Variants in LIMS1 observed in about 807,000 individuals in gnomAD.
LIMS1 encodes LIM and senescent cell antigen-like-containing domain protein 1.
LIMS1 carries 18 observed loss-of-function variants against 44.1 expected under a neutral mutation model. The observed-to-expected ratio is 0.41, with a 90% confidence interval of 0.28 to 0.61. LIMS1 has a LOEUF of 0.61. LIMS1 is among the 20% of genes least tolerant of loss of function. The pLI, the probability that LIMS1 is intolerant of heterozygous loss-of-function variation, is 0.32. For missense variants in LIMS1, 201 were observed against 422.0 expected (o/e 0.48, Z 4.59); for synonymous variants, 93 against 149.1 (o/e 0.62, Z 2.74).
chr2:108,601,627 G>T (rs1167273330), intron 1 of LIMS1, among the ~76,000 whole-genome samples: 1 of 151,966 alleles, frequency 6.6e-6, no homozygotes, highest in Non-Finnish European at 1.5e-5. Flanking sequence ...TTGTGTCCAT[G>T]TTCAATTGAG....
intron 1 of LIMS1, among the ~76,000 whole-genome samples, chr2:108,641,182 A>G (rs1405652616): frequency 6.6e-6 from 1 of 152,174 alleles, no homozygotes; most frequent in East Asian, 1.9e-4. Flanking sequence ...TAAGACTTAA[A>G]TGGGTGCCTG....
chr2:108,591,305 C>T (rs1438869829), intron 1 of LIMS1, among the ~76,000 whole-genome samples: 1 of 152,108 alleles, frequency 6.6e-6, no homozygotes, highest in Non-Finnish European at 1.5e-5. Context: ...TGTGAACATC[C>T]TGTAGCAAAG....
At chr2:108,667,551 AATATATAT>A (rs1553469852) in intron 2 of LIMS1, among the ~76,000 whole-genome samples, 1 of 130,484 alleles carries the variant, frequency 7.7e-6, no homozygotes, top group Non-Finnish European at 1.6e-5. Flanking sequence ...AAAAAAAAAA[AATATATAT>A]ATATATATAT....
intron 1 of LIMS1, among the ~76,000 whole-genome samples, chr2:108,575,165 CT>C (rs778568986): frequency 3.3e-5 from 5 of 151,508 alleles, no homozygotes; most frequent in South Asian, 2.1e-4. Context: ...TTCTCTCACC[CT>C]TTTTTTTTCC....
At chr2:108,561,749 T>TTTG (rs1163406810) in intron 1 of LIMS1, among the ~76,000 whole-genome samples, 8 of 150,684 alleles carry the variant, frequency 5.3e-5, no homozygotes, top group Admixed American at 1.3e-4. Flanking sequence ...TTTTTTTGTT[T>TTTG]TTTTTTTTTT....
At chr2:108,673,029 G>A (rs1692251226) in exon 5 of LIMS1, 1 of 1,294,940 alleles carries the variant, frequency 7.7e-7, no homozygotes. Context: ...GCCAACTGCG[G>A]GTACTGGAAT....
At chr2:108,609,604 C>A (rs1027033584) in intron 1 of LIMS1, among the ~76,000 whole-genome samples, 9 of 152,190 alleles carry the variant, frequency 5.9e-5, no homozygotes, top group African/African-American at 2.2e-4. Flanking sequence ...CATTCTTTCA[C>A]AATGTAACAT....
intron 1 of LIMS1, among the ~76,000 whole-genome samples, chr2:108,598,596 G>C (rs1159635883): frequency 6.6e-6 from 1 of 152,178 alleles, no homozygotes; most frequent in Non-Finnish European, 1.5e-5. Context: ...GAATCCTTTT[G>C]GGAGAACGGA....
chr2:108,646,138 G>A (rs1690046826), intron 1 of LIMS1, among the ~76,000 whole-genome samples: 1 of 152,102 alleles, frequency 6.6e-6, no homozygotes, highest in African/African-American at 2.4e-5. Context: ...TCTGGACCAA[G>A]CGGGCCTAAT....
chr2:108,645,262 A>G (rs1023000175), intron 1 of LIMS1, among the ~76,000 whole-genome samples: 2 of 152,240 alleles, frequency 1.3e-5, no homozygotes, highest in African/African-American at 4.8e-5. Flanking sequence ...TGGGTTACCC[A>G]TAAAGGGAAG....
chr2:108,652,954 A>T (rs1690603598), intron 1 of LIMS1, among the ~76,000 whole-genome samples: 1 of 152,180 alleles, frequency 6.6e-6, no homozygotes, highest in South Asian at 2.1e-4. Context: ...AATATAGATA[A>T]ATTGAAAGGA....
intron 1 of LIMS1, among the ~76,000 whole-genome samples, chr2:108,573,320 T>TTTTTC (rs1553454111): frequency 2.7e-5 from 4 of 150,458 alleles, no homozygotes; most frequent in Non-Finnish European, 3.0e-5. Flanking sequence ...TTTTTTTTTT[T>TTTTTC]CTACTGGGTA....
chr2:108,666,883 G>C (rs1276721881), intron 2 of LIMS1, among the ~76,000 whole-genome samples: 1 of 152,050 alleles, frequency 6.6e-6, no homozygotes, highest in South Asian at 2.1e-4. Flanking sequence ...TATAGGGGAA[G>C]GTGGTCAGAG....
At chr2:108,603,107 G>C (rs1219595331) in intron 1 of LIMS1, among the ~76,000 whole-genome samples, 1 of 152,098 alleles carries the variant, frequency 6.6e-6, no homozygotes, top group African/African-American at 2.4e-5. Context: ...TTTTCGATGT[G>C]TCTTTTTCTG....
intron 1 of LIMS1, among the ~76,000 whole-genome samples, chr2:108,597,692 G>GCT (rs1686784331): frequency 1.1e-5 from 1 of 92,834 alleles, no homozygotes; most frequent in Non-Finnish European, 2.2e-5. Flanking sequence ...AAGCAAAAAT[G>GCT]CTTTTTTTTT....
intron 1 of LIMS1, among the ~76,000 whole-genome samples, chr2:108,583,674 A>G (rs1685978739): frequency 6.9e-6 from 1 of 145,102 alleles, no homozygotes; most frequent in African/African-American, 2.5e-5. Context: ...GAAAGCATTT[A>G]TCCTGTTATT....
At chr2:108,620,177 T>C (rs991036576) in intron 1 of LIMS1, among the ~76,000 whole-genome samples, 1 of 152,212 alleles carries the variant, frequency 6.6e-6, no homozygotes, top group African/African-American at 2.4e-5. Context: ...TTCCCTTTCC[T>C]ATGGGTTGCC....
chr2:108,607,011 CAT>C (rs1236162558), intron 1 of LIMS1: 2 of 574,846 alleles, frequency 3.5e-6, no homozygotes. Flanking sequence ...CCCCAAAATT[CAT>C]ATGTTGAACT....
chr2:108,569,768 T>C (rs148749040), intron 1 of LIMS1, among the ~76,000 whole-genome samples: 5,415 of 141,502 alleles, frequency 0.038, 380 homozygotes, highest in Non-Finnish European at 0.059. Flanking sequence ...ATCTGGCTTT[T>C]TTTTTTTTTT....
Sources: allele counts gnomAD v4.1 joint callset (sites outside exome capture counted in the v4.1 genomes callset), GRCh38; gene constraint gnomAD v4.1.1; transcripts MANE v1.5; gene names NCBI Gene and HGNC (gene_info 2026-07-23, HGNC 2026-07-21).